The following RYR2 variants were observed in gnomAD, a reference collection of about 807,000 sequenced individuals.
RYR2 encodes ryanodine receptor 2.
In RYR2, 227 loss-of-function variants were observed where a neutral mutation model predicts 601.1. The observed-to-expected ratio is 0.38, with a 90% CI of 0.34 to 0.42. The LOEUF is 0.42. Ranked by LOEUF, RYR2 falls within the 10% of genes least tolerant of loss-of-function variation. The probability of loss-of-function intolerance (pLI) is 1.00; values close to 1 mark genes in which losing one functional copy is unlikely to be tolerated. For missense variants in RYR2, 4,646 were observed against 6,156.5 expected, an observed-to-expected ratio of 0.75 and a Z score of 8.21; for synonymous variants, 2,223 against 2,175.1, an observed-to-expected ratio of 1.02 and a Z score of -0.61.
At position 237,761,344 on chromosome 1, in the gene RYR2, A is replaced by G. The variant is rs142668998; in HGVS notation, c.11476+316A>G. On this transcript the variant is annotated intron_variant, in intron 84 of 104. Coordinates refer to ENST00000366574, the MANE Select transcript of RYR2 (RefSeq NM_001035.3). The stretch of plus-strand genomic sequence containing the variant: ...AATTTTCTGGGAAATCATAAACCAC[A>G]TAGATGAACCTTTCAAGAACATTTG... 2.7e-3 allele frequency among the ~76,000 whole-genome samples: 414 copies of G among 152,318 alleles called. 3 individuals carry two copies. The highest frequency in any genetic ancestry group is 9.4e-3 in the African/African-American group (390 of 41,560).
intron 80 of RYR2, among the ~76,000 whole-genome samples, chr1:237,745,912 A>T (rs76436369): frequency 6.9e-6 from 1 of 145,616 alleles, no homozygotes; most frequent in Non-Finnish European, 1.5e-5. Context: ...TCCTAATGAG[A>T]TTTTTTTTTT....
chr1:237,420,068 T>G (rs570523564), intron 11 of RYR2, among the ~76,000 whole-genome samples: 1 of 152,318 alleles, frequency 6.6e-6, no homozygotes, highest in Admixed American at 6.5e-5. Flanking sequence ...GTAGTTGATG[T>G]GGCCCATTCA....
chr1:237,785,533 T>C (rs1695480171), intron 90 of RYR2, among the ~76,000 whole-genome samples: 1 of 152,074 alleles, frequency 6.6e-6, no homozygotes, highest in Non-Finnish European at 1.5e-5. Context: ...CTAACACACA[T>C]GAAGAAACTA....
intron 3 of RYR2, among the ~76,000 whole-genome samples, chr1:237,336,681 C>A (rs1697263358): frequency 6.6e-6 from 1 of 151,166 alleles, no homozygotes; most frequent in Admixed American, 6.6e-5. Flanking sequence ...TGTGGAGAAA[C>A]CCCGTCTCTT....
At chr1:237,124,003 C>T (rs1671120397) in intron 1 of RYR2, among the ~76,000 whole-genome samples, 1 of 152,128 alleles carries the variant, frequency 6.6e-6, no homozygotes, top group Admixed American at 6.5e-5. Context: ...TCTTTTCTTC[C>T]AAGGAGAAAC....
chr1:237,253,208 A>T (rs929987584), intron 1 of RYR2, among the ~76,000 whole-genome samples: 1 of 143,410 alleles, frequency 7.0e-6, no homozygotes, highest in Non-Finnish European at 1.5e-5. Flanking sequence ...AATAGTAAGT[A>T]TACAGTGGAT....
Position 237,550,699 on chromosome 1 carries a change from G to T in RYR2, c.3214+8G>T. ...CACCAGATCAAGATCATGGTATTTTGGTTTTACTTTCCTCTTCTTCGGTTG... is the reference window on the plus strand; with the variant it reads ...CACCAGATCAAGATCATGGTATTTTTGTTTTACTTTCCTCTTCTTCGGTTG... On this transcript the variant is annotated splice_region_variant and intron_variant, in intron 27 of 104. Transcript: ENST00000366574. 1 of 1,539,156 alleles carries T rather than the reference G, an allele frequency of 6.5e-7. No individual in the cohort carries two copies. Among genetic ancestry groups the T allele is most frequent in the Non-Finnish European group, 8.8e-7 (1 of 1,142,504 alleles).
chr1:237,469,210 T>C (rs1660414801), intron 17 of RYR2, 23 bp downstream of exon 17: 4 of 1,507,072 alleles, frequency 2.7e-6, no homozygotes, highest in Non-Finnish European at 3.7e-6. Context: ...GTTTTTTCCT[T>C]GTTGTGATAG....
chr1:237,690,862 A>G (rs1330460462), intron 63 of RYR2, among the ~76,000 whole-genome samples: 1 of 152,164 alleles, frequency 6.6e-6, no homozygotes, highest in East Asian at 1.9e-4. Flanking sequence ...CCTTTATAAT[A>G]CACCCATTTC....
At position 237,460,899 on chromosome 1, in the gene RYR2, C is replaced by A. The variant is rs534360399; in HGVS notation, c.1612+4164C>A. Among the ~76,000 whole-genome samples the A allele has an allele frequency of 3.2e-4, 49 of 152,204 alleles. No individual in the cohort carries two copies. In the Middle Eastern group the frequency reaches 0.01, roughly 32 times the overall value. ...TATTGTTGTTCTTCTTATCATTATT[C>A]CCATTTCTTTTGGATGTTTGTTATC... On this transcript the variant is annotated intron_variant, in intron 16 of 104. Coordinates refer to ENST00000366574, the MANE Select transcript of RYR2 (RefSeq NM_001035.3).
chr1:237,342,586 A>T (rs1697921261), intron 3 of RYR2, among the ~76,000 whole-genome samples: 1 of 152,168 alleles, frequency 6.6e-6, no homozygotes, highest in Non-Finnish European at 1.5e-5. Flanking sequence ...CAGAGACCAG[A>T]TGGAACATTC....
chr1:237,345,459 A>C (rs1338675955), intron 3 of RYR2, among the ~76,000 whole-genome samples: 1 of 140,622 alleles, frequency 7.1e-6, no homozygotes, highest in African/African-American at 3.1e-5. Context: ...CTGCCAAAAA[A>C]TAAAAAATAA....
intron 1 of RYR2, among the ~76,000 whole-genome samples, chr1:237,089,092 C>T (rs375960474): frequency 3.5e-4 from 53 of 152,342 alleles, no homozygotes; most frequent in African/African-American, 1.2e-3. Flanking sequence ...TTTGCACCTG[C>T]TGAGTCTCAC....
intron 3 of RYR2, among the ~76,000 whole-genome samples, chr1:237,347,375 T>C (rs970502256): frequency 6.6e-6 from 1 of 152,112 alleles, no homozygotes; most frequent in African/African-American, 2.4e-5. Flanking sequence ...TGTATAATAA[T>C]AGGTTCTCAA....
chr1:237,457,196 C>T (rs759424401), intron 16 of RYR2, among the ~76,000 whole-genome samples: 24 of 152,070 alleles, frequency 1.6e-4, no homozygotes, highest in Non-Finnish European at 2.4e-4. Flanking sequence ...GAGTTAGTTC[C>T]GCAAGGGTCC....
intron 1 of RYR2, among the ~76,000 whole-genome samples, chr1:237,146,032 G>A (rs1370127357): frequency 1.3e-5 from 2 of 152,182 alleles, no homozygotes; most frequent in Non-Finnish European, 2.9e-5. Context: ...TTTGCCAAGA[G>A]TTAGTGTGTT....
intron 28 of RYR2, among the ~76,000 whole-genome samples, chr1:237,567,059 A>G (rs1672159122): frequency 6.6e-6 from 1 of 152,230 alleles, no homozygotes; most frequent in Non-Finnish European, 1.5e-5. Context: ...AAAAATGCAT[A>G]TACATTGACG....
At chr1:237,623,710 A>G in intron 38 of RYR2, 55 bp from the exon 39 acceptor site, 1 of 1,214,910 alleles carries the variant, frequency 8.2e-7, no homozygotes. Context: ...CCATTCTTGA[A>G]TTCACCTTTC....
intron 47 of RYR2, among the ~76,000 whole-genome samples, chr1:237,643,074 T>C (rs1430746572): frequency 8.5e-5 from 13 of 152,212 alleles, no homozygotes. Flanking sequence ...AAAACTATTA[T>C]TCTAATGGAT....
Sources: allele counts gnomAD v4.1 joint callset (sites outside exome capture counted in the v4.1 genomes callset), GRCh38; gene constraint gnomAD v4.1.1; transcripts MANE v1.5; gene names NCBI Gene and HGNC (gene_info 2026-07-23, HGNC 2026-07-21).